CHAC2: variants seen among roughly 807,000 people sequenced by gnomAD.
The protein encoded by CHAC2 is glutathione-specific gamma-glutamylcyclotransferase 2.
In CHAC2, 20 loss-of-function variants were observed where a neutral mutation model predicts 16.9. That is an observed-to-expected ratio of 1.18 (90% CI 0.83 to 1.72). The LOEUF (loss-of-function observed/expected upper bound fraction) is 1.72, where lower values mean the gene tolerates loss of function less well. Ranked by LOEUF, CHAC2 falls within the 40% of genes most tolerant of loss-of-function variation. CHAC2 has a pLI of 0.00. For missense variants in CHAC2, 269 were observed against 222.2 expected (o/e 1.21, Z -1.34); for synonymous variants, 91 against 77.3 (o/e 1.18, Z -0.93).
intron 1 of CHAC2, chr2:53,768,336 A>T (rs936722803): frequency 7.9e-6 from 2 of 253,936 alleles, no homozygotes; most frequent in Non-Finnish European, 1.5e-5. Context: ...AACCTCTGCC[A>T]AAAGAAAAAA....
At chr2:53,768,172 G>A in intron 1 of CHAC2, 151 bp downstream of exon 1, 1 of 896,592 alleles carries the variant, frequency 1.1e-6, no homozygotes, top group South Asian at 1.9e-5. Context: ...GATTTTCCCT[G>A]CCACCTGCCC....
chr2:53,773,475 G>A (rs931339119), intron 2 of CHAC2, among the ~76,000 whole-genome samples: 3 of 151,970 alleles, frequency 2.0e-5, no homozygotes, highest in African/African-American at 4.8e-5. Flanking sequence ...CTATAACCCA[G>A]GCTTGAGTTC....
Position 53,774,234 on chromosome 2 carries a change from A to G in CHAC2, c.264A>G (p.Arg88=). ...ACTTCAGAGAAAAAGGAGGCTACAG[A>G]ACCACAACAGTCATTTTTTATCCAA... ...YLDFREKGGY[R]TTTVIFYPKD... Residue 88 remains arginine, a synonymous_variant, in exon 3 of 3, where the codon AGA becomes AGG. Transcript: ENST00000295304. 1 of 1,614,190 alleles carries G rather than the reference A, an allele frequency of 6.2e-7. No individual in the cohort carries two copies. Among genetic ancestry groups the G allele is most frequent in the East Asian group, 2.2e-5 (1 of 44,866 alleles).
chr2:53,773,503 T>C lies in CHAC2; in HGVS notation c.172-639T>C, dbSNP rs551862344. 4.9e-4 allele frequency among the ~76,000 whole-genome samples: 75 copies of C among 152,214 alleles called. No homozygotes were observed. The South Asian group carries it at 0.012, about 24-fold the overall frequency. ...TTGAGTTCAGTGGCATGATCTCGGC[T>C]CACTGCCACCTCTGCCACCCGGGTT... On this transcript the variant is annotated intron_variant, in intron 2 of 2. Transcript: ENST00000295304.
intron 2 of CHAC2, among the ~76,000 whole-genome samples, chr2:53,773,708 CG>C (rs1674113918): frequency 6.6e-6 from 1 of 151,516 alleles, no homozygotes; most frequent in South Asian, 2.1e-4. Context: ...GTATTACAGG[CG>C]TGAGCCACCG....
In CHAC2 at chr2:53,774,343, G is replaced by A; in HGVS notation, c.373G>A (p.Glu125Lys). The part of the protein sequence containing the change: ...NPDYLGPAPL[E>K]DIAEQIFNAA... ...TGATTATCTTGGTCCTGCACCTCTG[G>A]AAGACATTGCTGAACAAATTTTTAA... Residue 125 changes from glutamate (E) to lysine (K), a missense_variant, in exon 3 of 3, where the codon GAA (glutamate) becomes AAA (lysine). Transcript: ENST00000295304. 1 of 1,613,568 alleles carries A rather than the reference G, an allele frequency of 6.2e-7. No individual in the cohort carries two copies. Among genetic ancestry groups the A allele is most frequent in the South Asian group, 1.1e-5 (1 of 90,818 alleles).
At chr2:53,769,563 C>T (rs1430232193) in intron 1 of CHAC2, among the ~76,000 whole-genome samples, 5 of 152,222 alleles carry the variant, frequency 3.3e-5, no homozygotes. Context: ...GAGAAAGGGG[C>T]TGGCCAGGCG....
chr2:53,773,986 G>A (rs919026800), intron 2 of CHAC2, among the ~76,000 whole-genome samples, 156 bp from the exon 3 acceptor site: 3 of 152,104 alleles, frequency 2.0e-5, no homozygotes, highest in Non-Finnish European at 1.5e-5. Context: ...AGTAGGCCAC[G>A]ATCGTGCCAC....
chr2:53,773,255 G>A (rs913178275), intron 2 of CHAC2, among the ~76,000 whole-genome samples: 13 of 150,892 alleles, frequency 8.6e-5, no homozygotes, highest in African/African-American at 3.2e-4. Context: ...TTTCATTTCA[G>A]TCCCGTTATT....
Position 53,774,442 on chromosome 2 carries a change from G to A in CHAC2, c.472G>A (p.Glu158Lys), listed in dbSNP as rs750777487. ...AAATTCTATTAGGAACCTTGTGCCA[G>A]AAGAAGCAGATGAGCATCTTTTCGC... ...LANSIRNLVP[E>K]EADEHLFALE... Residue 158 changes from glutamate to lysine, a missense_variant, in exon 3 of 3, where the codon GAA becomes AAA. Transcript: ENST00000295304. The A allele has an allele frequency of 3.1e-6, 5 of 1,608,484 alleles. No homozygotes were observed. In the South Asian group the frequency reaches 5.6e-5, roughly 18 times the overall value.
chr2:53,769,310 A>G (rs1258346422), intron 1 of CHAC2, among the ~76,000 whole-genome samples: 3 of 152,222 alleles, frequency 2.0e-5, no homozygotes, highest in Non-Finnish European at 4.4e-5. Context: ...CAGGAGTTTG[A>G]GAGTTGTCAG....
intron 2 of CHAC2, among the ~76,000 whole-genome samples, chr2:53,773,611 A>G (rs1013796046): frequency 6.6e-6 from 1 of 151,946 alleles, no homozygotes; most frequent in African/African-American, 2.4e-5. Flanking sequence ...TTGTATTTTT[A>G]GTAAAGACGG....
At chr2:53,772,417 G>A (rs1573015029) in intron 2 of CHAC2, among the ~76,000 whole-genome samples, 1 of 151,822 alleles carries the variant, frequency 6.6e-6, no homozygotes, top group African/African-American at 2.4e-5. Context: ...CTCGTGATCC[G>A]CCCGCCTTGG....
In CHAC2 at chr2:53,774,430, A is replaced by T. The variant is rs768608215; in HGVS notation, c.460A>T (p.Asn154Tyr). ...TTTTGAACTTGCAAATTCTATTAGG[A>T]ACCTTGTGCCAGAAGAAGCAGATGA... The part of the protein sequence containing the change: ...YLFELANSIR[N>Y]LVPEEADEHL... The change falls in exon 3 of 3, where the codon AAC becomes TAC. Residue 154 changes from asparagine to tyrosine, a missense_variant. Asn to Tyr is a moderately radical substitution (Grantham distance 143, BLOSUM62 -2). Transcript: ENST00000295304. 6.2e-7 allele frequency: 1 copy of T among 1,611,658 alleles called. No individual in the cohort carries two copies. The highest frequency in any genetic ancestry group is 8.5e-7 in the Non-Finnish European group (1 of 1,179,474).
At position 53,774,409 on chromosome 2, in the gene CHAC2, GA is replaced by G; in HGVS notation, c.441del (p.Glu147AspfsTer24). ...PSGRNTEYLF[E>X]LANSIRNLVP... Reference sequence around the variant, plus strand: ...TGGAAGAAATACAGAATATCTTTTTGAACTTGCAAATTCTATTAGGAACCTT... The same window carrying G: ...TGGAAGAAATACAGAATATCTTTTTGACTTGCAAATTCTATTAGGAACCTT... On this transcript the variant is annotated frameshift_variant, in exon 3 of 3. Transcript: ENST00000295304. LOFTEE classifies it high-confidence loss of function. 6.2e-7 allele frequency: 1 copy of G among 1,612,622 alleles called. No individual in the cohort carries two copies. The highest frequency in any genetic ancestry group is 1.1e-5 in the South Asian group (1 of 90,368).
intron 1 of CHAC2, chr2:53,768,244 T>G: frequency 1.9e-6 from 1 of 514,382 alleles, no homozygotes; most frequent in Non-Finnish European, 3.3e-6. Flanking sequence ...GTGGTTAGTC[T>G]CTAGAGACGG....
intron 1 of CHAC2, among the ~76,000 whole-genome samples, chr2:53,770,356 C>T (rs1673812092): frequency 6.6e-6 from 1 of 151,974 alleles, no homozygotes; most frequent in African/African-American, 2.4e-5. Flanking sequence ...GACACAAATG[C>T]CTGGATGATT....
chr2:53,768,224 T>A, intron 1 of CHAC2: 1 of 578,760 alleles, frequency 1.7e-6, no homozygotes, highest in Non-Finnish European at 2.9e-6. Context: ...CGAAGCTGCT[T>A]AAGATGCCGG....
chr2:53,772,382 G>C (rs1011125422), intron 2 of CHAC2, among the ~76,000 whole-genome samples: 1 of 152,064 alleles, frequency 6.6e-6, no homozygotes, highest in South Asian at 2.1e-4. Flanking sequence ...CACCGTGTTA[G>C]CCAGGATGGT....
Sources: gnomAD v4.1 joint callset for allele counts (sites outside exome capture counted in the v4.1 genomes callset) on GRCh38, gnomAD v4.1.1 for gene constraint, MANE v1.5 for transcripts, NCBI Gene and HGNC (gene_info 2026-07-23, HGNC 2026-07-21) for gene names.